POU2F2: variants seen among roughly 807,000 people sequenced by gnomAD.
POU2F2 encodes POU domain, class 2, transcription factor 2.
A neutral mutation model predicts 63.5 loss-of-function variants in POU2F2; 14 were observed. The observed-to-expected ratio is 0.22, with a 90% CI of 0.15 to 0.34. POU2F2 has a LOEUF of 0.34. POU2F2 is among the 10% of genes least tolerant of loss of function. The probability of loss-of-function intolerance (pLI) is 1.00; values close to 1 mark genes in which losing one functional copy is unlikely to be tolerated. For synonymous variants in POU2F2, 306 were observed against 348.6 expected (o/e 0.88, Z 1.36); for missense variants, 607 against 815.2 (o/e 0.74, Z 3.11).
chr19:42,112,922 C>G (rs1011251328), intron 5 of POU2F2, among the ~76,000 whole-genome samples: 2 of 152,186 alleles, frequency 1.3e-5, no homozygotes, highest in African/African-American at 4.8e-5. Flanking sequence ...TGTTTTCTCA[C>G]TTTGCACTTG....
intron 1 of POU2F2, among the ~76,000 whole-genome samples, chr19:42,129,459 C>T (rs900896343): frequency 3.9e-5 from 6 of 152,150 alleles, no homozygotes; most frequent in African/African-American, 1.4e-4. Flanking sequence ...ACTCCTCCCT[C>T]CCCGGACTTT....
At chr19:42,160,459 T>TC in intron 1 of POU2F2, 1 of 152,312 alleles carries the variant, frequency 6.6e-6, no homozygotes, top group African/African-American at 2.4e-5. Context: ...GATGATGCAC[T>TC]CCTCCAGTGG....
intron 5 of POU2F2, among the ~76,000 whole-genome samples, chr19:42,102,063 A>G (rs2077165821): frequency 6.6e-6 from 1 of 152,132 alleles, no homozygotes; most frequent in Admixed American, 6.5e-5. Context: ...ATACATGTGT[A>G]TGTGTTTACC....
intron 2 of POU2F2, among the ~76,000 whole-genome samples, chr19:42,160,088 G>A (rs186301934): frequency 3.7e-4 from 57 of 152,190 alleles, no homozygotes; most frequent in East Asian, 2.3e-3. Flanking sequence ...CTACTGAGCC[G>A]TAACACTGAT....
chr19:42,180,331 C>T (rs1212012862), upstream of POU2F2, among the ~76,000 whole-genome samples: 6 of 152,116 alleles, frequency 3.9e-5, no homozygotes, highest in African/African-American at 7.2e-5. Context: ...ACACCCACTC[C>T]GCTTGCATAC....
At chr19:42,197,286 T>C (rs1160189410), upstream of POU2F2, among the ~76,000 whole-genome samples, 1 of 152,156 alleles carries the variant, frequency 6.6e-6, no homozygotes, top group Non-Finnish European at 1.5e-5. Context: ...AAACATGGGT[T>C]TAAAATCCCA....
chr19:42,105,015 C>T (rs553416441), intron 5 of POU2F2, among the ~76,000 whole-genome samples: 2 of 152,246 alleles, frequency 1.3e-5, no homozygotes, highest in African/African-American at 2.4e-5. Flanking sequence ...GAAACAATGT[C>T]CACCCTGCCT....
chr19:42,149,616 A>C (rs1175756562), intron 2 of POU2F2, among the ~76,000 whole-genome samples: 1 of 152,156 alleles, frequency 6.6e-6, no homozygotes, highest in Non-Finnish European at 1.5e-5. Context: ...AGTCAGAGTC[A>C]AATAGAGAGA....
At chr19:42,091,971 G>T (rs1278364481) in intron 13 of POU2F2, 31 bp from the exon 14 acceptor site, 30 of 1,537,160 alleles carry the variant, frequency 2.0e-5, no homozygotes, top group Non-Finnish European at 2.2e-5. Flanking sequence ...GCATTAGCAG[G>T]GGCAGGGACC....
chr19:42,174,094 G>A (rs571546352), intron 1 of POU2F2, among the ~76,000 whole-genome samples: 1 of 152,248 alleles, frequency 6.6e-6, no homozygotes, highest in Non-Finnish European at 1.5e-5. Context: ...TGCTGTGCAA[G>A]CATGCCGTCA....
intron 1 of POU2F2, among the ~76,000 whole-genome samples, chr19:42,175,621 A>G (rs991081310): frequency 1.3e-5 from 2 of 152,160 alleles, no homozygotes; most frequent in African/African-American, 4.8e-5. Context: ...AACAGTGAGA[A>G]AGAAAAAACA....
At chr19:42,114,134 G>A (rs184031806) in intron 5 of POU2F2, among the ~76,000 whole-genome samples, 8 of 152,190 alleles carry the variant, frequency 5.3e-5, no homozygotes, top group Non-Finnish European at 1.0e-4. Flanking sequence ...TGGGCTATAC[G>A]GCAGGTGGTG....
Position 42,095,573 on chromosome 19 carries a change from C to T in POU2F2, c.992G>A (p.Arg331His). 1 of 1,608,688 alleles carries T rather than the reference C, an allele frequency of 6.2e-7. No individual in the cohort carries two copies. Among genetic ancestry groups the T allele is most frequent in the Non-Finnish European group, 8.5e-7 (1 of 1,177,464 alleles). The change falls in exon 10 of 15, where the codon CGC (arginine) becomes CAC (histidine). Residue 331 changes from arginine to histidine, a missense_variant. Physicochemically the swap from Arg to His is conservative, Grantham distance 29. Coordinates refer to ENST00000692977, the MANE Select transcript of POU2F2 (RefSeq NM_001394376.1). The surrounding 1 kb of genome is among the most constrained non-coding windows in gnomAD (Gnocchi z 7.1). ...TAGAAAACTCTTCTCTAAGGCGAAGCGGACGTTTGTCTCGATGCTGGTCCT... is the reference window on the plus strand; with the variant it reads ...TAGAAAACTCTTCTCTAAGGCGAAGTGGACGTTTGTCTCGATGCTGGTCCT... The part of the protein sequence containing the change: ...KKRTSIETNV[R>H]FALEKSFLAN...
intron 1 of POU2F2, among the ~76,000 whole-genome samples, chr19:42,126,707 G>T (rs2033232588): frequency 6.6e-6 from 1 of 152,086 alleles, no homozygotes; most frequent in East Asian, 1.9e-4. Flanking sequence ...CTGCCCTCCT[G>T]CTGTCCCATC....
At chr19:42,175,966 T>TC (rs145056817) in exon 1 of POU2F2, 11,038 of 141,866 alleles carry the variant, frequency 0.078, 566 homozygotes, top group Middle Eastern at 0.17. Context: ...CTCTTACCTC[T>TC]CCCCCCCCAT....
intron 1 of POU2F2, among the ~76,000 whole-genome samples, chr19:42,166,531 T>C (rs2034654114): frequency 6.6e-6 from 1 of 152,068 alleles, no homozygotes; most frequent in African/African-American, 2.4e-5. Flanking sequence ...AAGCCGGGTG[T>C]GTCTGACTCC....
At chr19:42,146,088 G>A (rs2034229132) in intron 2 of POU2F2, among the ~76,000 whole-genome samples, 2 of 148,710 alleles carry the variant, frequency 1.3e-5, no homozygotes, top group African/African-American at 5.0e-5. Flanking sequence ...AAGTTAAAGA[G>A]AAGCCCTCCA....
chr19:42,122,004 A>G, intron 4 of POU2F2, 122 bp downstream of exon 4: 1 of 1,038,352 alleles, frequency 9.6e-7, no homozygotes, highest in Non-Finnish European at 1.5e-6. Flanking sequence ...AAGGGGCGGG[A>G]GGAACCTCGT....
rs1012210815 is a variant in POU2F2, at chr19:42,182,221, T to C, written c.-70+14162A>G. On this transcript the variant is annotated intron_variant, in intron 1 of 5. Transcript: ENST00000532176. ...TGTTCCACTGCACTGCCCTGGGCGATAGAGCAAGACTCTGTCTCAAAAGAG... is the reference window on the plus strand; with the variant it reads ...TGTTCCACTGCACTGCCCTGGGCGACAGAGCAAGACTCTGTCTCAAAAGAG... 4.0e-5 allele frequency among the ~76,000 whole-genome samples: 5 copies of C among 125,856 alleles called. No individual in the cohort carries two copies. The South Asian group carries it at 7.4e-4, about 19-fold the overall frequency. 82.6% of individuals were successfully genotyped at this position (125,856 alleles called of 152,430 possible). A position where few individuals can be genotyped will look rare whatever the true frequency, so the allele number is the denominator to read the frequency against.
Sources: gnomAD v4.1 joint callset for allele counts (sites outside exome capture counted in the v4.1 genomes callset) on GRCh38, gnomAD v4.1.1 for gene constraint, Gnocchi (gnomAD v3.1) non-coding constraint, MANE v1.5 for transcripts, NCBI Gene and HGNC (gene_info 2026-07-23, HGNC 2026-07-21) for gene names.